Variants in TPM2 observed in about 807,000 individuals in gnomAD.
TPM2 encodes the protein tropomyosin 2.
TPM2 carries 26 observed loss-of-function variants against 41.0 expected under a neutral mutation model. That is an observed-to-expected ratio of 0.63 (90% confidence interval 0.46 to 0.88). TPM2 has a LOEUF of 0.88. Among genes scored for constraint, TPM2 ranks in the 40% least tolerant of loss-of-function variants. TPM2 has a pLI of 0.00. For synonymous variants in TPM2, 143 were observed against 139.3 expected, an observed-to-expected ratio of 1.03 and a Z score of -0.19; for missense variants, 187 against 355.2, an observed-to-expected ratio of 0.53 and a Z score of 3.81.
At chr9:35,689,390 C>T in intron 1 of TPM2, 119 bp from the exon 2 acceptor site, 2 of 1,513,714 alleles carry the variant, frequency 1.3e-6, no homozygotes, top group Non-Finnish European at 8.8e-7. Context: ...AGCGGAATAA[C>T]ATAAAAGGGA....
rs1191651446 is a variant in TPM2, at chr9:35,684,506, CA to C, written c.683del (p.Leu228TrpfsTer5). The C allele has an allele frequency of 6.2e-7, 1 of 1,614,084 alleles. No homozygotes were observed. Among genetic ancestry groups the C allele is most frequent in the Non-Finnish European group, 8.5e-7 (1 of 1,180,044 alleles). On this transcript the variant is annotated frameshift_variant, in exon 7 of 9. Coordinates refer to ENST00000645482, the MANE Select transcript of TPM2 (RefSeq NM_003289.4). LOFTEE classifies it high-confidence loss of function. ...CTCTCACCTCCTTCAGCTTCTCCTC[CA>C]ACAGTTTGATCTCCTCTTCATATTT... ...EDKYEEEIKLLEEKLKEAETR... is the reference protein window; with the variant it reads ...EDKYEEEIKLXEEKLKEAETR...
At position 35,685,814 on chromosome 9, in the gene TPM2, T is replaced by C. The variant is rs1485810005; in HGVS notation, c.241-34A>G. On this transcript the variant is annotated intron_variant, in intron 2 of 8. Transcript: ENST00000645482. This position sits in a 1 kb window ranked among gnomAD's most constrained non-coding sequence, Gnocchi z 5.0. ...CAGAGGTCAGGGGTCAAAAAGGCCTTGTTAGCCTTGGATAAGGATCAGAGA... is the reference window on the plus strand; with the variant it reads ...CAGAGGTCAGGGGTCAAAAAGGCCTCGTTAGCCTTGGATAAGGATCAGAGA... 1 of 1,613,554 alleles carries C rather than the reference T, an allele frequency of 6.2e-7. No homozygotes were observed. The highest frequency in any genetic ancestry group is 8.5e-7 in the Non-Finnish European group (1 of 1,180,034).
At chr9:35,684,143 G>T in intron 8 of TPM2, 103 bp downstream of exon 8, 1 of 1,200,624 alleles carries the variant, frequency 8.3e-7, no homozygotes, top group Non-Finnish European at 1.2e-6. Context: ...GTCCTAGGTG[G>T]CCCAACCCTA....
intron 1 of TPM2, 133 bp downstream of exon 1, chr9:35,689,571 C>T: frequency 1.3e-6 from 2 of 1,518,734 alleles, no homozygotes; most frequent in Middle Eastern, 2.1e-4. Flanking sequence ...CCTGAGGGTA[C>T]TGCGAAGGCC....
chr9:35,684,139 G>T, intron 8 of TPM2, 107 bp downstream of exon 8: 1 of 1,144,858 alleles, frequency 8.7e-7, no homozygotes, highest in African/African-American at 1.5e-5. Context: ...TAGGGTCCTA[G>T]GTGGCCCAAC....
intron 5 of TPM2, 41 bp from the exon 6 acceptor site, chr9:35,684,848 A>T: frequency 6.2e-7 from 1 of 1,613,582 alleles, no homozygotes; most frequent in Non-Finnish European, 8.5e-7. Context: ...GTGTGAGGGC[A>T]CAGCGAAGCC....
downstream of TPM2, chr9:35,682,257 T>A: frequency 7.3e-7 from 1 of 1,363,468 alleles, no homozygotes; most frequent in Non-Finnish European, 1.0e-6. Flanking sequence ...AGACATGGAG[T>A]GGGTCAAGGA....
rs1360780698 is a variant in TPM2, at chr9:35,683,225, C to T, written c.789G>A (p.Gln263=). The stretch of plus-strand genomic sequence containing the variant: ...CGCTAATGGCCTTGTACTTCATCTT[C>T]TGGGCATAGACTTCATCTGGGGGGG... ...IDDLEDEVYA[Q]KMKYKAISEE... The change falls in exon 9 of 9, where the codon CAG becomes CAA. Residue 263 remains glutamine (Q), a synonymous_variant. Transcript: ENST00000645482. 1 of 1,539,686 alleles carries T rather than the reference C, an allele frequency of 6.5e-7. No homozygotes were observed. Among genetic ancestry groups the T allele is most frequent in the South Asian group, 1.2e-5 (1 of 84,606 alleles).
chr9:35,689,379 A>G, intron 1 of TPM2, 108 bp from the exon 2 acceptor site: 1 of 1,532,052 alleles, frequency 6.5e-7, no homozygotes, highest in South Asian at 1.3e-5. Flanking sequence ...ACTGGGATGG[A>G]AGCGGAATAA....
intron 8 of TPM2, 27 bp downstream of exon 8, chr9:35,684,219 G>A (rs745422051): frequency 1.7e-5 from 27 of 1,607,268 alleles, no homozygotes; most frequent in Middle Eastern, 3.3e-4. Context: ...CGGCAGGTGT[G>A]GACCTACTTA....
At position 35,684,609 on chromosome 9, in the gene TPM2, A is replaced by C. The variant is rs1376813785; in HGVS notation, c.640-59T>G. On this transcript the variant is annotated intron_variant, in intron 6 of 8. Transcript: ENST00000645482. ...GCTACCACAGATCCTTCATTTCTCC[A>C]TTGTACCCCGTAGGCTCCTGGTCAT... 5.0e-6 allele frequency: 8 copies of C among 1,613,310 alleles called. No individual in the cohort carries two copies. In the East Asian group the frequency reaches 1.8e-4, roughly 36 times the overall value.
At chr9:35,686,002 G>A (rs1047366831) in intron 2 of TPM2, among the ~76,000 whole-genome samples, 2 of 152,204 alleles carry the variant, frequency 1.3e-5, no homozygotes, top group Non-Finnish European at 2.9e-5. Flanking sequence ...TGTAATCCCC[G>A]CACTCTGGGA....
At chr9:35,688,962 T>C (rs891799330) in intron 2 of TPM2, among the ~76,000 whole-genome samples, 184 bp downstream of exon 2, 1 of 152,232 alleles carries the variant, frequency 6.6e-6, no homozygotes, top group African/African-American at 2.4e-5. Flanking sequence ...GTGGTTTTGA[T>C]TTATCCACTG....
Position 35,683,158 on chromosome 9 carries a change from C to T in TPM2, c.*1G>A. The stretch of plus-strand genomic sequence containing the variant: ...CTGAGGTGGCCACGCTGGCGTGGGG[C>T]TCAGAGGGAGGTGATGTCATTGAGT... On this transcript the variant is annotated 3_prime_UTR_variant, in exon 9 of 9. Coordinates refer to ENST00000645482, the MANE Select transcript of TPM2 (RefSeq NM_003289.4). 6.4e-7 allele frequency: 1 copy of T among 1,553,480 alleles called. No homozygotes were observed.
chr9:35,683,008 T>TGGTGGGCATGATGGG lies in TPM2; in HGVS notation c.*136_*150dup. ...AGGATGAAGCCAGTGCCAGAGTGGGTGGTGGGCATGATGGGGGCTCTCCCT... is the reference window on the plus strand; with the variant it reads ...AGGATGAAGCCAGTGCCAGAGTGGGTGGTGGGCATGATGGGGGTGGGCATGATGGGGGCTCTCCCT... On this transcript the variant is annotated 3_prime_UTR_variant, in exon 9 of 9. Coordinates refer to ENST00000645482, the MANE Select transcript of TPM2 (RefSeq NM_003289.4). 1.9e-6 allele frequency: 3 copies of TGGTGGGCATGATGGG among 1,540,836 alleles called. No homozygotes were observed. The highest frequency in any genetic ancestry group is 2.6e-6 in the Non-Finnish European group (3 of 1,141,008).
At chr9:35,682,749 A>C, downstream of TPM2, 1 of 1,319,652 alleles carries the variant, frequency 7.6e-7, no homozygotes, top group East Asian at 5.2e-5. Flanking sequence ...TGCAGTGGTG[A>C]ATCAGAGAGC....
At chr9:35,682,832 G>A (rs1298489661), downstream of TPM2, 5 of 1,397,774 alleles carry the variant, frequency 3.6e-6, no homozygotes, top group Admixed American at 4.3e-5. Context: ...CTCAGTGCAG[G>A]GGCTGGGGGT....
At chr9:35,684,847 C>G (rs1824789213) in intron 5 of TPM2, 40 bp from the exon 6 acceptor site, 2 of 1,612,954 alleles carry the variant, frequency 1.2e-6, no homozygotes, top group Non-Finnish European at 1.7e-6. Context: ...GGTGTGAGGG[C>G]ACAGCGAAGC....
At position 35,689,131 on chromosome 9, in the gene TPM2, C is replaced by G. The variant is rs1825106781; in HGVS notation, c.240+15G>C. On this transcript the variant is annotated intron_variant, in intron 2 of 8. Coordinates refer to ENST00000645482, the MANE Select transcript of TPM2 (RefSeq NM_003289.4). ...AGCCCTAACTCCTCCCATTGTCCCC[C>G]AAGTCCACACTCACATCAGTGGCCT... The G allele has an allele frequency of 6.2e-7, 1 of 1,614,008 alleles. No homozygotes were observed. The highest frequency in any genetic ancestry group is 8.5e-7 in the Non-Finnish European group (1 of 1,179,986).
Sources: allele counts gnomAD v4.1 joint callset (sites outside exome capture counted in the v4.1 genomes callset), GRCh38; gene constraint gnomAD v4.1.1; non-coding constraint Gnocchi (gnomAD v3.1); transcripts MANE v1.5; gene names NCBI Gene and HGNC (gene_info 2026-07-23, HGNC 2026-07-21).